The following KANK1 variants were observed in gnomAD, a reference collection of about 807,000 sequenced individuals.
KANK1 encodes the protein KN motif and ankyrin repeat domains 1, also known as KN motif and ankyrin repeat domain-containing protein 1.
Under a neutral mutation model 106.2 loss-of-function variants are expected in KANK1, and 109 were observed. The observed-to-expected ratio is 1.03, with a 90% CI of 0.88 to 1.20. The LOEUF is 1.20. Ranked by LOEUF, KANK1 falls within the 50% of genes most tolerant of loss-of-function variation. KANK1 has a pLI of 0.00. For missense variants in KANK1, 2,399 were observed against 1,710.7 expected (o/e 1.40, Z -7.10); for synonymous variants, 873 against 652.2 (o/e 1.34, Z -5.16).
At chr9:584,983 C>G (rs1404851545) in intron 1 of KANK1, among the ~76,000 whole-genome samples, 1 of 152,170 alleles carries the variant, frequency 6.6e-6, no homozygotes, top group Non-Finnish European at 1.5e-5. Context: ...GAAAACTGCC[C>G]TTAGGGGTCA....
At chr9:489,244 A>G (rs572360267) in intron 3 of KANK1, among the ~76,000 whole-genome samples, 1 of 152,302 alleles carries the variant, frequency 6.6e-6, no homozygotes, top group South Asian at 2.1e-4. Flanking sequence ...AGTTTGGGGT[A>G]GAGCCTACAT....
chr9:470,829 CTG>C (rs1397170334), intron 2 of KANK1: 2 of 152,274 alleles, frequency 1.3e-5, no homozygotes, highest in African/African-American at 4.8e-5. Flanking sequence ...AGTTTTTTGT[CTG>C]TGTGTGGGAC....
At chr9:550,396 G>T (rs1203950800) in intron 1 of KANK1, among the ~76,000 whole-genome samples, 2 of 152,212 alleles carry the variant, frequency 1.3e-5, no homozygotes, top group Non-Finnish European at 2.9e-5. Context: ...CCTGATTGCA[G>T]ATCTCGAACA....
intron 2 of KANK1, among the ~76,000 whole-genome samples, chr9:700,886 G>A (rs774390191): frequency 6.6e-6 from 1 of 152,184 alleles, no homozygotes; most frequent in African/African-American, 2.4e-5. Context: ...AAAGAAGTCA[G>A]TGTGTCCTAA....
At chr9:599,141 C>T (rs1038787135) in intron 1 of KANK1, among the ~76,000 whole-genome samples, 3 of 150,598 alleles carry the variant, frequency 2.0e-5, no homozygotes, top group South Asian at 2.1e-4. Context: ...GCCTCAGCCT[C>T]CTGAGTAGCT....
At chr9:617,055 G>T in intron 1 of KANK1, among the ~76,000 whole-genome samples, 1 of 152,064 alleles carries the variant, frequency 6.6e-6, no homozygotes, top group Admixed American at 6.5e-5. Context: ...AGTAGTCTAA[G>T]AGAGAATAAT....
chr9:676,334 T>C (rs1816409967), intron 1 of KANK1, among the ~76,000 whole-genome samples: 1 of 152,188 alleles, frequency 6.6e-6, no homozygotes, highest in Non-Finnish European at 1.5e-5. Flanking sequence ...AATGAATTTT[T>C]GTTTAAGAGG....
intron 2 of KANK1, chr9:684,237 T>C: frequency 1.0e-6 from 1 of 985,346 alleles, no homozygotes; most frequent in South Asian, 4.7e-5. Flanking sequence ...GGCGATTAGC[T>C]CTCCAGCTAA....
At chr9:671,623 A>AAAAAAAAGAAG (rs79437342) in intron 1 of KANK1, among the ~76,000 whole-genome samples, 1 of 103,636 alleles carries the variant, frequency 9.6e-6, no homozygotes, top group Admixed American at 1.2e-4. Context: ...CTCAAAAAAA[A>AAAAAAAAGAAG]AAAAGAGTGT....
At chr9:630,916 C>T (rs1383627976) in intron 1 of KANK1, among the ~76,000 whole-genome samples, 2 of 151,666 alleles carry the variant, frequency 1.3e-5, no homozygotes, top group African/African-American at 2.4e-5. Context: ...GATCATGCCG[C>T]CACACCCTAG....
chr9:589,081 C>G (rs953614383), intron 1 of KANK1, among the ~76,000 whole-genome samples: 3 of 152,186 alleles, frequency 2.0e-5, no homozygotes, highest in African/African-American at 7.2e-5. Context: ...TCAGTTGATG[C>G]TGAGAGGTCA....
intron 1 of KANK1, among the ~76,000 whole-genome samples, chr9:634,567 C>T (rs1009379447): frequency 1.3e-5 from 2 of 152,148 alleles, no homozygotes; most frequent in Admixed American, 6.5e-5. Flanking sequence ...ATTCAGGCCC[C>T]TCCCATTATT....
chr9:596,579 C>G (rs569652144), intron 1 of KANK1, among the ~76,000 whole-genome samples: 23 of 151,818 alleles, frequency 1.5e-4, no homozygotes, highest in African/African-American at 4.4e-4. Flanking sequence ...GAGTGTTTCA[C>G]AGAGAGGCAA....
chr9:578,915 A>T (rs998914019), intron 1 of KANK1, among the ~76,000 whole-genome samples: 2 of 152,160 alleles, frequency 1.3e-5, no homozygotes, highest in Non-Finnish European at 2.9e-5. Context: ...TGGGGAGGGG[A>T]TGGAGGGCAG....
intron 2 of KANK1, among the ~76,000 whole-genome samples, chr9:688,592 CT>C (rs1819111368): frequency 7.3e-6 from 1 of 137,188 alleles, no homozygotes; most frequent in Non-Finnish European, 1.5e-5. Flanking sequence ...GAGCGAGACT[CT>C]GTCTCAAAAA....
intron 1 of KANK1, among the ~76,000 whole-genome samples, chr9:676,367 T>C (rs1816416621): frequency 6.6e-6 from 1 of 152,178 alleles, no homozygotes; most frequent in Non-Finnish European, 1.5e-5. Flanking sequence ...TGGATCAGAT[T>C]TGTGCTTTAG....
intron 1 of KANK1, among the ~76,000 whole-genome samples, chr9:587,360 C>T (rs1165174428): frequency 6.6e-6 from 1 of 152,076 alleles, no homozygotes; most frequent in Non-Finnish European, 1.5e-5. Flanking sequence ...AATTGTATTA[C>T]TCTGCAGATT....
intron 1 of KANK1, among the ~76,000 whole-genome samples, chr9:603,851 C>G (rs898791200): frequency 6.7e-6 from 1 of 150,004 alleles, no homozygotes; most frequent in African/African-American, 2.5e-5. Context: ...CCCAGCTACT[C>G]TGGAGGCTGA....
At chr9:671,754 C>A (rs180823612) in intron 1 of KANK1, among the ~76,000 whole-genome samples, 12 of 152,064 alleles carry the variant, frequency 7.9e-5, no homozygotes, top group Non-Finnish European at 1.0e-4. Context: ...ATTATACCAG[C>A]CTGGCCAACA....
Sources: gnomAD v4.1 joint callset for allele counts (sites outside exome capture counted in the v4.1 genomes callset) on GRCh38, gnomAD v4.1.1 for gene constraint, MANE v1.5 for transcripts, NCBI Gene and HGNC (gene_info 2026-07-23, HGNC 2026-07-21) for gene names.